Variants in VGLL1 observed in about 807,000 individuals in gnomAD.
VGLL1 encodes the protein transcription cofactor vestigial-like protein 1.
VGLL1 carries 4 observed loss-of-function variants against 12.0 expected under a neutral mutation model. The ratio of observed to expected loss-of-function variants is 0.33; its 90% CI spans 0.16 to 0.76. The LOEUF (loss-of-function observed/expected upper bound fraction) is 0.76. Among genes scored for constraint, VGLL1 ranks in the 30% least tolerant of loss-of-function variants. The pLI is 0.60. For missense variants in VGLL1, 204 were observed against 208.7 expected (o/e 0.98, Z 0.14); for synonymous variants, 87 against 81.2 (o/e 1.07, Z -0.39).
rs200173996 is a variant in VGLL1, at chrX:136,532,698, GTTCT to G, written c.-26+409_-26+412del. Among the ~76,000 whole-genome samples, 26 of 43,640 alleles carry G rather than the reference GTTCT, an allele frequency of 6.0e-4. No homozygotes were observed. The East Asian group carries it at 0.011, about 18-fold the overall frequency. 37.9% of individuals were successfully genotyped at this position (43,640 alleles called of 115,157 possible). Reference sequence around the variant, plus strand: ...TTCTTCTTTCTTTCTTTCATTTTTTGTTCTTTCTTTTTTTTTTTTCAGAAGTGTG... The same window carrying G: ...TTCTTCTTTCTTTCTTTCATTTTTTGTTCTTTTTTTTTTTTCAGAAGTGTG... On this transcript the variant is annotated intron_variant, in intron 1 of 4. Coordinates refer to ENST00000370634, the MANE Select transcript of VGLL1 (RefSeq NM_016267.4).
intron 3 of VGLL1, among the ~76,000 whole-genome samples, chrX:136,549,925 G>A (rs2075881007): frequency 8.9e-6 from 1 of 111,734 alleles, no homozygotes; most frequent in South Asian, 3.7e-4. Flanking sequence ...CAGCTTCCTT[G>A]TCCATACATA....
At chrX:136,544,574 C>A (rs1369639185) in intron 2 of VGLL1, among the ~76,000 whole-genome samples, 1 of 112,503 alleles carries the variant, frequency 8.9e-6, no homozygotes, top group Non-Finnish European at 1.9e-5. Flanking sequence ...GTCACTTTAA[C>A]CATTCTGGGT....
At chrX:136,554,423 G>A (rs1229427082) in intron 4 of VGLL1, among the ~76,000 whole-genome samples, 1 of 110,819 alleles carries the variant, frequency 9.0e-6, no homozygotes, top group Non-Finnish European at 1.9e-5. Context: ...TAAGAAAGGA[G>A]AGAGTGTGGT....
chrX:136,538,533 G>C (rs2075846648), intron 2 of VGLL1, among the ~76,000 whole-genome samples: 1 of 112,082 alleles, frequency 8.9e-6, no homozygotes, highest in South Asian at 3.7e-4. Context: ...ATCAGGGTCT[G>C]GTGGATTTCA....
chrX:136,549,922 C>T (rs991488098), intron 3 of VGLL1, among the ~76,000 whole-genome samples: 4 of 111,830 alleles, frequency 3.6e-5, no homozygotes, highest in Admixed American at 1.9e-4. Flanking sequence ...TTGCAGCTTC[C>T]TTGTCCATAC....
At chrX:136,540,659 G>A (rs777641103) in intron 2 of VGLL1, among the ~76,000 whole-genome samples, 20 of 111,881 alleles carry the variant, frequency 1.8e-4, no homozygotes, top group Non-Finnish European at 2.8e-4. Context: ...TCTGAGCTCC[G>A]TGGCAGTAGG....
Position 136,556,525 on chromosome X carries a change from C to A in VGLL1, c.763C>A (p.Leu255Met), listed in dbSNP as rs2075901660. 1 of 1,208,387 alleles carries A rather than the reference C, an allele frequency of 8.3e-7. No individual in the cohort carries two copies. Among genetic ancestry groups the A allele is most frequent in the Admixed American group, 2.2e-5 (1 of 45,775 alleles). ...CCACTGGGGCCACCCACATCGATAC[C>A]TGCAGCATCTTTAGTCAAGTTGGAG... is the stretch of plus-strand genomic sequence containing the variant. ...PNHWGHPHRY[L>M]QHL The change falls in exon 5 of 5, where the codon CTG becomes ATG. Residue 255 changes from leucine (L) to methionine (M), a missense_variant. Physicochemically the swap from Leu to Met is conservative, Grantham distance 15 (BLOSUM62 2). Coordinates refer to ENST00000370634, the MANE Select transcript of VGLL1 (RefSeq NM_016267.4).
Position 136,551,092 on chromosome X carries a change from TTTC to T in VGLL1, c.688+274_688+276del. On this transcript the variant is annotated intron_variant, in intron 4 of 4. Transcript: ENST00000370634. ...CTTAGTTTCTTTTTTCTTTTCTTTC[TTTC>T]TTTTTTTTTTAACCTGAGTTTGACT... 3 of 286,185 alleles carry T rather than the reference TTTC, an allele frequency of 1.0e-5. No individual in the cohort carries two copies. The East Asian group carries it at 2.0e-4, about 19-fold the overall frequency. 23.6% of individuals were successfully genotyped at this position (286,185 alleles called of 1,213,427 possible). A position where few individuals can be genotyped will look rare whatever the true frequency, so the allele number is the denominator to read the frequency against.
At chrX:136,543,825 G>A (rs750328067) in intron 2 of VGLL1, among the ~76,000 whole-genome samples, 11 of 111,044 alleles carry the variant, frequency 9.9e-5, no homozygotes, top group Non-Finnish European at 1.7e-4. Flanking sequence ...GAGAAGGAAG[G>A]AAAGAAGAAA....
chrX:136,537,133 G>T (rs899319303), intron 2 of VGLL1, among the ~76,000 whole-genome samples: 12 of 112,052 alleles, frequency 1.1e-4, no homozygotes, highest in Admixed American at 4.7e-4. Context: ...ACTTTGAGAG[G>T]CCAAGGCAAG....
intron 2 of VGLL1, among the ~76,000 whole-genome samples, chrX:136,546,154 C>T (rs2075869097): frequency 1.8e-5 from 2 of 112,045 alleles, no homozygotes; most frequent in African/African-American, 6.5e-5. Context: ...GGGGCTCCCT[C>T]TCTCACTTCT....
chrX:136,556,434 T>C lies in VGLL1; in HGVS notation c.689-17T>C, dbSNP rs960309129. The C allele has an allele frequency of 4.2e-6, 5 of 1,200,737 alleles. No individual in the cohort carries two copies. The Admixed American group carries it at 6.6e-5, about 16-fold the overall frequency. ...GGGCCTAACTGGCTTTCATTAACCA[T>C]GTAACTTCTCCTTTAGCTCTTTCAG... On this transcript the variant is annotated splice_polypyrimidine_tract_variant and intron_variant, in intron 4 of 4. Coordinates refer to ENST00000370634, the MANE Select transcript of VGLL1 (RefSeq NM_016267.4).
At chrX:136,545,755 T>G (rs1017686865) in intron 2 of VGLL1, among the ~76,000 whole-genome samples, 9 of 111,364 alleles carry the variant, frequency 8.1e-5, no homozygotes, top group Non-Finnish European at 1.7e-4. Flanking sequence ...GGCAAACTCA[T>G]AAGTGCCTGA....
intron 4 of VGLL1, among the ~76,000 whole-genome samples, 188 bp from the exon 5 acceptor site, chrX:136,556,263 A>G (rs1210981799): frequency 8.9e-6 from 1 of 111,783 alleles, no homozygotes; most frequent in Non-Finnish European, 1.9e-5. Flanking sequence ...TTGTGGCTGC[A>G]ATAGAATTTA....
chrX:136,546,233 G>A (rs1382959624), intron 2 of VGLL1, among the ~76,000 whole-genome samples: 1 of 111,908 alleles, frequency 8.9e-6, no homozygotes, highest in Non-Finnish European at 1.9e-5. Context: ...AGCAGCAGCA[G>A]CCTTGAGCCA....
At chrX:136,537,598 T>A (rs898793443) in intron 2 of VGLL1, among the ~76,000 whole-genome samples, 5 of 111,498 alleles carry the variant, frequency 4.5e-5, no homozygotes, top group Admixed American at 9.5e-5. Context: ...CTCACTCTGT[T>A]GCTCAGGCTG....
At chrX:136,540,273 C>T (rs895184129) in intron 2 of VGLL1, among the ~76,000 whole-genome samples, 1 of 111,541 alleles carries the variant, frequency 9.0e-6, no homozygotes, top group Non-Finnish European at 1.9e-5. Flanking sequence ...GGCCCTACCT[C>T]ATCTGGGCCC....
Position 136,536,040 on chromosome X carries a change from C to T in VGLL1, c.20C>T (p.Thr7Ile). 1 of 1,211,366 alleles carries T rather than the reference C, an allele frequency of 8.3e-7. No individual in the cohort carries two copies. The highest frequency in any genetic ancestry group is 1.1e-6 in the Non-Finnish European group (1 of 895,334). The change falls in exon 2 of 5, where the codon ACT becomes ATT. Residue 7 changes from threonine to isoleucine, a missense_variant. Coordinates refer to ENST00000370634, the MANE Select transcript of VGLL1 (RefSeq NM_016267.4). MEEMKK[T>I]AIRLPKGKQK... ...CTCACAATGGAAGAAATGAAGAAGACTGCCATCCGGCTGCCCAAAGGCAAA... is the reference window on the plus strand; with the variant it reads ...CTCACAATGGAAGAAATGAAGAAGATTGCCATCCGGCTGCCCAAAGGCAAA...
chrX:136,544,823 T>A lies in VGLL1; in HGVS notation c.215-3766T>A, dbSNP rs188634499. On this transcript the variant is annotated intron_variant, in intron 2 of 4. Transcript: ENST00000370634. ...TCCAGCCTCCAAACCAGCCCTGAAG[T>A]GCTGCTGCTGCCTCTGCTGCTGTTA... Among the ~76,000 whole-genome samples, 4 of 112,289 alleles carry A rather than the reference T, an allele frequency of 3.6e-5. No individual in the cohort carries two copies. The East Asian group carries it at 1.1e-3, about 31-fold the overall frequency.
Sources: allele counts gnomAD v4.1 joint callset (sites outside exome capture counted in the v4.1 genomes callset), GRCh38; gene constraint gnomAD v4.1.1; transcripts MANE v1.5; gene names NCBI Gene and HGNC (gene_info 2026-07-23, HGNC 2026-07-21).